Variants in SLC9C1 observed in about 807,000 individuals in gnomAD.
SLC9C1 encodes the protein solute carrier family 9 member C1.
A neutral mutation model predicts 140.9 loss-of-function variants in SLC9C1; 97 were observed. The observed-to-expected ratio is 0.69, with a 90% CI of 0.58 to 0.82. SLC9C1 has a LOEUF of 0.82. Among genes scored for constraint, SLC9C1 ranks in the 40% least tolerant of loss-of-function variants. The pLI is 0.00. For missense variants in SLC9C1, 1,340 were observed against 1,389.3 expected (o/e 0.96, Z 0.56); for synonymous variants, 440 against 442.6 (o/e 0.99, Z 0.07).
chr3:112,143,546 GTGTC>G (rs762801549), intron 28 of SLC9C1, among the ~76,000 whole-genome samples: 4 of 152,142 alleles, frequency 2.6e-5, no homozygotes, highest in Non-Finnish European at 4.4e-5. Context: ...CATTTGAGAA[GTGTC>G]TGTCTATGTC....
chr3:112,220,529 G>C (rs927901162), intron 14 of SLC9C1, among the ~76,000 whole-genome samples: 13 of 152,204 alleles, frequency 8.5e-5, no homozygotes, highest in Non-Finnish European at 1.5e-4. Flanking sequence ...AGGTATGTCT[G>C]GGTGGACACT....
At chr3:112,213,717 G>A (rs2078274357) in intron 15 of SLC9C1, among the ~76,000 whole-genome samples, 4 of 152,170 alleles carry the variant, frequency 2.6e-5, no homozygotes, top group Admixed American at 2.6e-4. Flanking sequence ...CAAGTTCTTA[G>A]AGACCTAGAA....
At chr3:112,176,238 C>G (rs534599325) in intron 23 of SLC9C1, among the ~76,000 whole-genome samples, 5 of 152,342 alleles carry the variant, frequency 3.3e-5, no homozygotes, top group African/African-American at 1.2e-4. Context: ...CTTCCCTGGG[C>G]AGGGGAGGTT....
chr3:112,164,011 C>G (rs2075387934), intron 26 of SLC9C1, among the ~76,000 whole-genome samples: 1 of 152,102 alleles, frequency 6.6e-6, no homozygotes, highest in Non-Finnish European at 1.5e-5. Context: ...GAATTTATCC[C>G]TTTACCATTA....
rs1417901751 is a variant in SLC9C1, at chr3:112,167,455, G to A, written c.3238-108C>T. 4 of 1,091,262 alleles carry A rather than the reference G, an allele frequency of 3.7e-6. No homozygotes were observed. In the African/African-American group the frequency reaches 6.4e-5, roughly 17 times the overall value. The allele number at this position is 1,091,262 out of a possible 1,614,324, so 67.6% of individuals were successfully genotyped here. On this transcript the variant is annotated intron_variant, in intron 25 of 28. Transcript: ENST00000305815. ...TTTCTCTAGGTATCTGGGAAAAATGGAAAATATTAACAAATCAACACAAAT... is the reference window on the plus strand; with the variant it reads ...TTTCTCTAGGTATCTGGGAAAAATGAAAAATATTAACAAATCAACACAAAT...
intron 20 of SLC9C1, among the ~76,000 whole-genome samples, chr3:112,190,326 AT>A (rs1293008296): frequency 2.6e-5 from 4 of 152,180 alleles, no homozygotes; most frequent in African/African-American, 9.7e-5. Flanking sequence ...TTCAAAGGGA[AT>A]GCTTCCATTT....
intron 6 of SLC9C1, among the ~76,000 whole-genome samples, chr3:112,273,835 C>T (rs1258644543): frequency 6.6e-6 from 1 of 151,966 alleles, no homozygotes; most frequent in Non-Finnish European, 1.5e-5. Context: ...TTGTTTGATA[C>T]CATACAGATC....
chr3:112,249,779 G>T (rs2079397361), intron 10 of SLC9C1, among the ~76,000 whole-genome samples: 1 of 152,048 alleles, frequency 6.6e-6, no homozygotes, highest in African/African-American at 2.4e-5. Flanking sequence ...GGGGTTGGTG[G>T]TAATGTCCTC....
At chr3:112,265,000 G>A (rs2079878498) in intron 8 of SLC9C1, among the ~76,000 whole-genome samples, 1 of 151,962 alleles carries the variant, frequency 6.6e-6, no homozygotes, top group Non-Finnish European at 1.5e-5. Flanking sequence ...GAGTCACAGT[G>A]AGACAGGAAC....
chr3:112,195,130 T>G (rs1272218982), intron 20 of SLC9C1, among the ~76,000 whole-genome samples: 1 of 152,160 alleles, frequency 6.6e-6, no homozygotes, highest in Non-Finnish European at 1.5e-5. Context: ...CAAATTTTCC[T>G]GAAGTGCACT....
chr3:112,274,779 A>G (rs1165007129), intron 6 of SLC9C1, 118 bp downstream of exon 6: 9 of 987,496 alleles, frequency 9.1e-6, no homozygotes, highest in Non-Finnish European at 1.2e-5. Context: ...CACTAAACCA[A>G]TACTCACTAT....
chr3:112,253,863 A>G lies in SLC9C1; in HGVS notation c.1197+9061T>C, dbSNP rs116514822. On this transcript the variant is annotated intron_variant, in intron 10 of 28. Transcript: ENST00000305815. ...TCAGAAGAATGGCAAAACCAATCCG[A>G]GGAAGCTAAGAATCACAATAAAATG... is the stretch of plus-strand genomic sequence containing the variant. 8.8e-3 allele frequency among the ~76,000 whole-genome samples: 1,336 copies of G among 152,316 alleles called. 25 individuals are homozygous for G. The highest frequency in any genetic ancestry group is 0.029 in the African/African-American group (1,208 of 41,576).
At chr3:112,201,662 G>A (rs2077909209) in intron 18 of SLC9C1, among the ~76,000 whole-genome samples, 1 of 151,942 alleles carries the variant, frequency 6.6e-6, no homozygotes, top group South Asian at 2.1e-4. Flanking sequence ...TATCTTTCCT[G>A]CTTACTCACT....
At chr3:112,262,065 T>G (rs2079788390) in intron 10 of SLC9C1, among the ~76,000 whole-genome samples, 1 of 151,996 alleles carries the variant, frequency 6.6e-6, no homozygotes, top group Non-Finnish European at 1.5e-5. Flanking sequence ...AAACTGATAC[T>G]TGAGGTGAGG....
intron 10 of SLC9C1, among the ~76,000 whole-genome samples, chr3:112,260,587 G>T (rs2079745305): frequency 6.6e-6 from 1 of 152,056 alleles, no homozygotes; most frequent in Admixed American, 6.6e-5. Flanking sequence ...TTTGTGTCAG[G>T]CAGTTAATTT....
chr3:112,273,782 A>T (rs1302619953), intron 6 of SLC9C1, among the ~76,000 whole-genome samples: 1 of 152,034 alleles, frequency 6.6e-6, no homozygotes, highest in Non-Finnish European at 1.5e-5. Context: ...TTCATTGCTG[A>T]GGGGAGGCGG....
intron 28 of SLC9C1, among the ~76,000 whole-genome samples, chr3:112,143,161 G>A (rs2074682175): frequency 6.6e-6 from 1 of 152,006 alleles, no homozygotes; most frequent in African/African-American, 2.4e-5. Flanking sequence ...TTGATTCCAT[G>A]TCTTTGCTAT....
intron 20 of SLC9C1, among the ~76,000 whole-genome samples, chr3:112,195,918 A>G (rs1429277608): frequency 6.6e-6 from 1 of 152,174 alleles, no homozygotes; most frequent in African/African-American, 2.4e-5. Context: ...TTTAGAAAAC[A>G]AAAAGTGGAG....
intron 1 of SLC9C1, among the ~76,000 whole-genome samples, chr3:112,293,079 G>A (rs1448217901): frequency 6.9e-6 from 1 of 144,480 alleles, no homozygotes; most frequent in Non-Finnish European, 1.5e-5. Flanking sequence ...GACTAGCCTG[G>A]CCAAAATAGT....
Sources: gnomAD v4.1 joint callset for allele counts (sites outside exome capture counted in the v4.1 genomes callset) on GRCh38, gnomAD v4.1.1 for gene constraint, MANE v1.5 for transcripts, NCBI Gene and HGNC (gene_info 2026-07-23, HGNC 2026-07-21) for gene names.